SHOC2: variants seen among roughly 807,000 people sequenced by gnomAD.
SHOC2 encodes the protein leucine-rich repeat protein SHOC-2.
In SHOC2, 4 loss-of-function variants were observed where a neutral mutation model predicts 50.2. That is an observed-to-expected ratio of 0.08 (90% CI 0.04 to 0.18). The LOEUF (loss-of-function observed/expected upper bound fraction) is 0.18. SHOC2 is among the 10% of genes least tolerant of loss of function. The pLI is 1.00. For missense variants in SHOC2, 388 were observed against 669.6 expected (o/e 0.58, Z 4.64); for synonymous variants, 218 against 244.5 (o/e 0.89, Z 1.01).
chr10:110,972,288 A>G (rs1393850642), intron 2 of SHOC2, among the ~76,000 whole-genome samples: 10 of 152,014 alleles, frequency 6.6e-5, no homozygotes, highest in Non-Finnish European at 1.5e-4. Context: ...AAAATTCTTG[A>G]AATTCTCTCA....
intron 1 of SHOC2, among the ~76,000 whole-genome samples, chr10:110,942,129 C>T (rs1461274210): frequency 2.1e-5 from 1 of 48,612 alleles, no homozygotes; most frequent in African/African-American, 6.1e-5. Context: ...ATACATTGGT[C>T]TTCTGGCTCT....
chr10:110,995,782 T>C (rs1848257991), intron 3 of SHOC2, among the ~76,000 whole-genome samples: 1 of 152,226 alleles, frequency 6.6e-6, no homozygotes, highest in African/African-American at 2.4e-5. Flanking sequence ...GTTCTCTTTA[T>C]GGAGAAGATG....
rs561996198 is a variant in SHOC2 at position 110,921,423 on chromosome 10, A to G, written c.-235+1766A>G. Among the ~76,000 whole-genome samples the G allele has an allele frequency of 5.9e-5, 9 of 152,316 alleles. No individual in the cohort carries two copies. The South Asian group carries it at 1.7e-3, about 28-fold the overall frequency. ...TTTTGTCTAAGGTTTGTAACTTTCA[A>G]ATGTCTGAAATTTAATATAAAGCCA... On this transcript the variant is annotated intron_variant, in intron 1 of 8. Transcript: ENST00000369452.
chr10:110,958,273 G>C (rs575459369), intron 1 of SHOC2, among the ~76,000 whole-genome samples: 1 of 150,790 alleles, frequency 6.6e-6, no homozygotes, highest in East Asian at 1.9e-4. Context: ...GGAGTGCAGT[G>C]GTGCGATCTT....
At chr10:110,944,562 A>C (rs1847212979) in intron 1 of SHOC2, among the ~76,000 whole-genome samples, 1 of 152,188 alleles carries the variant, frequency 6.6e-6, no homozygotes, top group Non-Finnish European at 1.5e-5. Context: ...ATAATAAATG[A>C]TCTTTGAAAT....
intron 1 of SHOC2, among the ~76,000 whole-genome samples, chr10:110,921,072 T>C (rs1204755388): frequency 6.6e-6 from 1 of 152,254 alleles, no homozygotes; most frequent in Non-Finnish European, 1.5e-5. Context: ...GTGTACTTAC[T>C]AATCTTTACC....
At chr10:110,932,985 C>T (rs184159188) in intron 1 of SHOC2, among the ~76,000 whole-genome samples, 41 of 152,210 alleles carry the variant, frequency 2.7e-4, no homozygotes, top group Admixed American at 1.4e-3. Context: ...CATATCATTC[C>T]ATGTACTTCT....
intron 2 of SHOC2, among the ~76,000 whole-genome samples, chr10:110,975,318 G>A (rs951872046): frequency 4.6e-5 from 7 of 152,076 alleles, no homozygotes; most frequent in Admixed American, 1.3e-4. Context: ...ACCACGCCCG[G>A]CTAATTTTTT....
In SHOC2 at chr10:111,009,243, A is replaced by G. The variant is rs1848524553; in HGVS notation, c.1285-5A>G. On this transcript the variant is annotated splice_polypyrimidine_tract_variant and splice_region_variant and intron_variant, in intron 6 of 8. Transcript: ENST00000369452. ...TCCTAAACATTATCAATAATTTCTC[A>G]TTAGGTTCTTATCTTATCAAACAAT... The G allele has an allele frequency of 1.3e-6, 2 of 1,536,428 alleles. No homozygotes were observed. The highest frequency in any genetic ancestry group is 2.7e-5 in the African/African-American group (2 of 73,218).
At chr10:110,952,003 T>C (rs537412147) in intron 1 of SHOC2, among the ~76,000 whole-genome samples, 3 of 152,174 alleles carry the variant, frequency 2.0e-5, no homozygotes, top group Non-Finnish European at 4.4e-5. Flanking sequence ...CACAGGGCTG[T>C]TTTTATTTTT....
intron 2 of SHOC2, among the ~76,000 whole-genome samples, chr10:110,973,183 T>C (rs1042658282): frequency 1.3e-5 from 2 of 152,226 alleles, no homozygotes; most frequent in African/African-American, 2.4e-5. Context: ...TTTAATTATA[T>C]AGTTTTACGA....
At chr10:110,970,001 C>A (rs528716699) in intron 2 of SHOC2, among the ~76,000 whole-genome samples, 1 of 152,082 alleles carries the variant, frequency 6.6e-6, no homozygotes, top group African/African-American at 2.4e-5. Flanking sequence ...TTAGCACATC[C>A]GTCACCTCAA....
chr10:110,997,261 A>G (rs1278360598), intron 3 of SHOC2, among the ~76,000 whole-genome samples: 2 of 152,238 alleles, frequency 1.3e-5, no homozygotes, highest in Non-Finnish European at 2.9e-5. Flanking sequence ...TTCATCCAAA[A>G]GAAAAAGGAT....
intron 2 of SHOC2, among the ~76,000 whole-genome samples, chr10:110,984,213 G>T (rs1030347682): frequency 7.2e-5 from 11 of 152,106 alleles, no homozygotes. Flanking sequence ...GTATGAAGTG[G>T]TATCTTGTTG....
chr10:111,001,924 A>G (rs1381524435), intron 4 of SHOC2, among the ~76,000 whole-genome samples: 2 of 152,280 alleles, frequency 1.3e-5, no homozygotes, highest in East Asian at 3.9e-4. Context: ...CTGTAATCCC[A>G]GCTACTCAGA....
intron 4 of SHOC2, among the ~76,000 whole-genome samples, chr10:111,003,229 A>G (rs982918430): frequency 1.3e-5 from 2 of 152,204 alleles, no homozygotes; most frequent in East Asian, 3.8e-4. Flanking sequence ...TAAGTTTTCA[A>G]TTTGCTGATG....
intron 8 of SHOC2, 99 bp downstream of exon 8, chr10:111,009,929 C>A: frequency 2.6e-6 from 2 of 775,132 alleles, no homozygotes; most frequent in Non-Finnish European, 4.6e-6. Flanking sequence ...GTTTTTTAAA[C>A]TGAGGTTATA....
intron 1 of SHOC2, among the ~76,000 whole-genome samples, chr10:110,945,889 C>T (rs1311171057): frequency 6.6e-6 from 1 of 152,194 alleles, no homozygotes; most frequent in African/African-American, 2.4e-5. Flanking sequence ...TTCTCACCCC[C>T]AATCAGGTTC....
intron 2 of SHOC2, among the ~76,000 whole-genome samples, chr10:110,983,023 G>C (rs1166887481): frequency 6.6e-6 from 1 of 151,938 alleles, no homozygotes. Context: ...GTACTATTCA[G>C]GTTTTCTGTT....
Sources: allele counts gnomAD v4.1 joint callset (sites outside exome capture counted in the v4.1 genomes callset), GRCh38; gene constraint gnomAD v4.1.1; transcripts MANE v1.5; gene names NCBI Gene and HGNC (gene_info 2026-07-23, HGNC 2026-07-21).